FGF14: variants seen among roughly 807,000 people sequenced by gnomAD.
FGF14 encodes the protein fibroblast growth factor 14, also known as fibroblast growth factor homologous factor 4.
FGF14 carries 5 observed loss-of-function variants against 25.5 expected under a neutral mutation model. The observed-to-expected ratio is 0.20, with a 90% CI of 0.10 to 0.41. The LOEUF is 0.41. FGF14 is among the 10% of genes least tolerant of loss of function. FGF14 has a pLI of 1.00. For synonymous variants in FGF14, 138 were observed against 118.3 expected, an observed-to-expected ratio of 1.17 and a Z score of -1.08; for missense variants, 222 against 320.1, an observed-to-expected ratio of 0.69 and a Z score of 2.34.
intron 1 of FGF14, among the ~76,000 whole-genome samples, chr13:101,924,497 T>C (rs1371666772): frequency 2.0e-5 from 3 of 152,188 alleles, no homozygotes; most frequent in African/African-American, 4.8e-5. Flanking sequence ...TAGTAACCTG[T>C]TTTCATTACT....
intron 1 of FGF14, among the ~76,000 whole-genome samples, chr13:101,888,177 C>T (rs560602747): frequency 6.6e-6 from 1 of 152,290 alleles, no homozygotes; most frequent in African/African-American, 2.4e-5. Context: ...AGTCTGCACA[C>T]TGAACATCAG....
At chr13:101,792,003 A>G (rs2040263154) in intron 3 of FGF14, among the ~76,000 whole-genome samples, 1 of 152,194 alleles carries the variant, frequency 6.6e-6, no homozygotes, top group African/African-American at 2.4e-5. Flanking sequence ...AGAAATTATT[A>G]CTGAAGCCTT....
chr13:101,783,333 G>A (rs1043540145), intron 3 of FGF14, among the ~76,000 whole-genome samples: 2 of 152,032 alleles, frequency 1.3e-5, no homozygotes, highest in African/African-American at 4.8e-5. Flanking sequence ...AGCTGGGTGT[G>A]GTGGCACATG....
intron 1 of FGF14, among the ~76,000 whole-genome samples, chr13:102,313,262 C>T (rs1229847109): frequency 1.3e-5 from 2 of 152,214 alleles, no homozygotes; most frequent in Non-Finnish European, 2.9e-5. Context: ...CCTGGAAGCA[C>T]TCACACACAG....
intron 1 of FGF14, among the ~76,000 whole-genome samples, chr13:101,990,810 C>T (rs2038859660): frequency 6.6e-6 from 1 of 152,040 alleles, no homozygotes; most frequent in African/African-American, 2.4e-5. Context: ...TGTTAGGAGC[C>T]ATGTGATCTC....
chr13:101,907,499 AG>A (rs2032392723), intron 1 of FGF14, among the ~76,000 whole-genome samples: 1 of 152,162 alleles, frequency 6.6e-6, no homozygotes, highest in Non-Finnish European at 1.5e-5. Flanking sequence ...GGGTAGGATA[AG>A]AACTGAAAAC....
intron 1 of FGF14, among the ~76,000 whole-genome samples, chr13:102,376,966 G>A (rs2058054492): frequency 6.6e-6 from 1 of 152,160 alleles, no homozygotes; most frequent in Non-Finnish European, 1.5e-5. Context: ...AGTGAGAAAT[G>A]CGCTTATTGG....
chr13:102,378,768 C>T (rs1268832245), intron 1 of FGF14, among the ~76,000 whole-genome samples: 2 of 151,964 alleles, frequency 1.3e-5, no homozygotes, highest in Non-Finnish European at 2.9e-5. Context: ...TCATCTTTAA[C>T]TCCAAAGTTC....
chr13:102,250,789 CA>C (rs2052129921), intron 1 of FGF14, among the ~76,000 whole-genome samples: 1 of 152,180 alleles, frequency 6.6e-6, no homozygotes, highest in Non-Finnish European at 1.5e-5. Flanking sequence ...AGACATTTGG[CA>C]TATTACTAAA....
At chr13:102,389,361 A>C (rs986255277) in intron 1 of FGF14, among the ~76,000 whole-genome samples, 20 of 152,222 alleles carry the variant, frequency 1.3e-4, no homozygotes, top group Non-Finnish European at 1.8e-4. Flanking sequence ...ATTTTAAGAT[A>C]ATTTCCAAAT....
At chr13:102,301,303 T>C (rs2055039640) in intron 1 of FGF14, among the ~76,000 whole-genome samples, 1 of 152,192 alleles carries the variant, frequency 6.6e-6, no homozygotes, top group Non-Finnish European at 1.5e-5. Context: ...TTATATGGAG[T>C]TGACTTTTTA....
chr13:102,216,930 A>T (rs1262864136), intron 1 of FGF14, among the ~76,000 whole-genome samples: 1 of 152,202 alleles, frequency 6.6e-6, no homozygotes, highest in African/African-American at 2.4e-5. Flanking sequence ...AACCTGGCTG[A>T]TTTCACTTAA....
chr13:102,303,779 C>CT (rs1406676806), intron 1 of FGF14, among the ~76,000 whole-genome samples: 3 of 152,108 alleles, frequency 2.0e-5, no homozygotes, highest in African/African-American at 7.2e-5. Context: ...TGCCACGAAC[C>CT]TAGATAATGA....
chr13:101,854,358 T>G (rs1416487282), intron 3 of FGF14, among the ~76,000 whole-genome samples: 1 of 152,084 alleles, frequency 6.6e-6, no homozygotes, highest in African/African-American at 2.4e-5. Flanking sequence ...TAAACTGATG[T>G]TTCATCACTG....
chr13:102,032,250 G>A (rs9585835), intron 1 of FGF14, among the ~76,000 whole-genome samples: 15,148 of 151,962 alleles, frequency 0.1, 1,755 homozygotes, highest in African/African-American at 0.29. Context: ...CACTAAATAG[G>A]GTTTCTATTT....
intron 1 of FGF14, among the ~76,000 whole-genome samples, chr13:102,353,318 C>A (rs1021616388): frequency 1.3e-5 from 2 of 152,168 alleles, no homozygotes; most frequent in Non-Finnish European, 2.9e-5. Flanking sequence ...ATTCAAAGTT[C>A]TGTGTATCAT....
At chr13:102,299,000 C>T (rs1021888378) in intron 1 of FGF14, among the ~76,000 whole-genome samples, 1 of 152,086 alleles carries the variant, frequency 6.6e-6, no homozygotes, top group Non-Finnish European at 1.5e-5. Context: ...TTGTTTTATG[C>T]TGAGAGCAAG....
chr13:102,118,798 CATAA>C (rs950042327), intron 1 of FGF14, among the ~76,000 whole-genome samples: 2 of 151,956 alleles, frequency 1.3e-5, no homozygotes, highest in African/African-American at 4.8e-5. Context: ...GTTTACAAAG[CATAA>C]ATAAGTATAT....
At chr13:102,152,492 T>C (rs888145344) in intron 1 of FGF14, among the ~76,000 whole-genome samples, 4 of 152,192 alleles carry the variant, frequency 2.6e-5, no homozygotes, top group African/African-American at 9.7e-5. Context: ...AGGATACAAG[T>C]CAGATTGGAT....
Sources: allele counts gnomAD v4.1 joint callset (sites outside exome capture counted in the v4.1 genomes callset), GRCh38; gene constraint gnomAD v4.1.1; transcripts MANE v1.5; gene names NCBI Gene and HGNC (gene_info 2026-07-23, HGNC 2026-07-21).